TTC28: variants seen among roughly 807,000 people sequenced by gnomAD.
TTC28 encodes the protein tetratricopeptide repeat protein 28.
In TTC28, 61 loss-of-function variants were observed where a neutral mutation model predicts 198.0. The observed-to-expected ratio is 0.31, with a 90% CI of 0.25 to 0.38. The LOEUF (loss-of-function observed/expected upper bound fraction) is 0.38, where lower values mean the gene tolerates loss of function less well. TTC28 is among the 10% of genes least tolerant of loss of function. The pLI is 1.00. For synonymous variants in TTC28, 1,171 were observed against 1,297.8 expected, an observed-to-expected ratio of 0.90 and a Z score of 2.10; for missense variants, 2,678 against 3,164.0, an observed-to-expected ratio of 0.85 and a Z score of 3.69.
chr22:28,208,674 C>T (rs551394005), intron 5 of TTC28, among the ~76,000 whole-genome samples: 4 of 152,116 alleles, frequency 2.6e-5, no homozygotes, highest in Non-Finnish European at 5.9e-5. Flanking sequence ...TGAATTCAAG[C>T]TATCACAATC....
intron 2 of TTC28, among the ~76,000 whole-genome samples, chr22:28,506,518 A>T (rs1262930062): frequency 6.6e-6 from 1 of 152,122 alleles, no homozygotes; most frequent in African/African-American, 2.4e-5. Context: ...CTGGACAAGG[A>T]AAGGTCCCCC....
At chr22:27,999,306 C>A in intron 15 of TTC28, 46 bp from the exon 16 acceptor site, 1 of 1,502,726 alleles carries the variant, frequency 6.7e-7, no homozygotes. Flanking sequence ...GACAGAACAG[C>A]CAGGCTGCCC....
chr22:28,094,120 T>C lies in TTC28; in HGVS notation c.3892A>G (p.Ser1298Gly). ...TGSALEQHIA[S>G]VREALGVESH... ...TCCACCCCCAGGGCCTCCCGGACAC[T>C]GGCAATGTGCTGCTCCAGGGCTGAG... is the stretch of plus-strand genomic sequence containing the variant. The change falls in exon 12 of 23, where the codon AGT (serine) becomes GGT (glycine). Residue 1298 changes from serine (S) to glycine (G), a missense_variant. Ser to Gly is a moderately conservative substitution (Grantham distance 56, BLOSUM62 0). Around this residue, in one of 8 missense-constraint regions of TTC28, gnomAD observed 727 missense variants for 861.9 expected, o/e 0.84. Coordinates refer to ENST00000397906, the MANE Select transcript of TTC28 (RefSeq NM_001145418.2). 2 of 1,551,162 alleles carry C rather than the reference T, an allele frequency of 1.3e-6. No individual in the cohort carries two copies. Among genetic ancestry groups the C allele is most frequent in the Non-Finnish European group, 1.7e-6 (2 of 1,146,796 alleles).
chr22:28,518,027 G>A (rs973980061), intron 2 of TTC28, among the ~76,000 whole-genome samples: 1 of 151,842 alleles, frequency 6.6e-6, no homozygotes, highest in Non-Finnish European at 1.5e-5. Flanking sequence ...CCAAGTAGCT[G>A]GGATTACAGG....
At chr22:28,205,553 T>C (rs1019409218) in intron 5 of TTC28, among the ~76,000 whole-genome samples, 1 of 152,040 alleles carries the variant, frequency 6.6e-6, no homozygotes, top group Admixed American at 6.6e-5. Context: ...GAGATTAACA[T>C]AGAAAAATGT....
At chr22:28,532,118 G>A (rs1363944523) in intron 2 of TTC28, among the ~76,000 whole-genome samples, 1 of 152,052 alleles carries the variant, frequency 6.6e-6, no homozygotes, top group Non-Finnish European at 1.5e-5. Flanking sequence ...AAATGGAGGA[G>A]GTGGTTTTCT....
intron 2 of TTC28, among the ~76,000 whole-genome samples, chr22:28,572,867 G>T (rs2050084942): frequency 6.6e-6 from 1 of 152,118 alleles, no homozygotes; most frequent in Non-Finnish European, 1.5e-5. Context: ...AGTAAAGGGA[G>T]GCCAGGTGCA....
chr22:28,556,517 T>C (rs1601562146), intron 2 of TTC28, among the ~76,000 whole-genome samples: 1 of 152,254 alleles, frequency 6.6e-6, no homozygotes, highest in East Asian at 1.9e-4. Flanking sequence ...GTTGTTACTC[T>C]CTAAGTAATC....
At chr22:28,308,421 G>C (rs779527517) in intron 2 of TTC28, among the ~76,000 whole-genome samples, 2 of 151,962 alleles carry the variant, frequency 1.3e-5, no homozygotes, top group African/African-American at 4.8e-5. Context: ...AACTTATTAA[G>C]AGACACAAAA....
Position 28,672,321 on chromosome 22 carries a change from C to T in TTC28, c.102+7301G>A, listed in dbSNP as rs527589327. On this transcript the variant is annotated intron_variant, in intron 1 of 22. Coordinates refer to ENST00000397906, the MANE Select transcript of TTC28 (RefSeq NM_001145418.2). ...TAGCTGGGATTACAGGCGCCTGCCA[C>T]CATGCACAGCTACTTTTTGTATTTT... Among the ~76,000 whole-genome samples, 4 of 152,296 alleles carry T rather than the reference C, an allele frequency of 2.6e-5. No homozygotes were observed. In the South Asian group the frequency reaches 6.2e-4, roughly 24 times the overall value.
intron 1 of TTC28, among the ~76,000 whole-genome samples, chr22:28,677,779 A>T (rs1279817471): frequency 2.0e-5 from 3 of 151,870 alleles, no homozygotes; most frequent in African/African-American, 7.3e-5. Context: ...CTCTACTAAA[A>T]ATACATAAAT....
At chr22:28,270,680 A>C (rs1932009471) in intron 5 of TTC28, among the ~76,000 whole-genome samples, 1 of 152,210 alleles carries the variant, frequency 6.6e-6, no homozygotes, top group African/African-American at 2.4e-5. Context: ...AAAGATAGGC[A>C]ACCCAGTCAT....
Position 28,107,875 on chromosome 22 carries a change from T to C in TTC28, c.1970A>G (p.Tyr657Cys). ...LGNYQEAVKY[Y>C]EQDLALAKDL... Reference sequence around the variant, plus strand: ...TTTAGCCAGTGCCAGATCCTGTTCGTAGTACTTCACTGCCTCCTGATAGTT... The same window carrying C: ...TTTAGCCAGTGCCAGATCCTGTTCGCAGTACTTCACTGCCTCCTGATAGTT... Residue 657 changes from tyrosine to cysteine, a missense_variant, in exon 7 of 23, where the codon TAC (tyrosine) becomes TGC (cysteine). Tyr to Cys is a radical substitution (Grantham distance 194). Coordinates refer to ENST00000397906, the MANE Select transcript of TTC28 (RefSeq NM_001145418.2). 6.4e-7 allele frequency: 1 copy of C among 1,551,808 alleles called. No individual in the cohort carries two copies. The highest frequency in any genetic ancestry group is 8.7e-7 in the Non-Finnish European group (1 of 1,147,008).
intron 2 of TTC28, among the ~76,000 whole-genome samples, chr22:28,452,462 GTGGGTCT>G (rs1245269144): frequency 6.7e-6 from 1 of 149,116 alleles, no homozygotes; most frequent in African/African-American, 2.5e-5. Flanking sequence ...CATAGGGAAA[GTGGGTCT>G]TTTCTTAATC....
Position 28,509,780 on chromosome 22 carries a change from G to A in TTC28, c.381+119772C>T, listed in dbSNP as rs151170900. On this transcript the variant is annotated intron_variant, in intron 2 of 22. Transcript: ENST00000397906. ...TTTTTAAATAATAAAATAGATGACC[G>A]AAAGCTAGATTAATAAAAGAGAGAA... Among the ~76,000 whole-genome samples the A allele has an allele frequency of 2.2e-3, 325 of 151,104 alleles. 2 individuals carry two copies. Among genetic ancestry groups the A allele is most frequent in the African/African-American group, 7.1e-3 (295 of 41,330 alleles).
chr22:28,413,711 A>T (rs2047124431), intron 2 of TTC28, among the ~76,000 whole-genome samples: 1 of 151,640 alleles, frequency 6.6e-6, no homozygotes, highest in Non-Finnish European at 1.5e-5. Context: ...AAAGAAACAA[A>T]TCTATGTTTT....
intron 12 of TTC28, among the ~76,000 whole-genome samples, chr22:28,037,372 T>C (rs1939405933): frequency 6.6e-6 from 1 of 151,994 alleles, no homozygotes; most frequent in Admixed American, 6.6e-5. Context: ...CATACGAAAA[T>C]CAATAAACGT....
chr22:28,606,704 C>A (rs1485514885), intron 2 of TTC28, among the ~76,000 whole-genome samples: 2 of 151,932 alleles, frequency 1.3e-5, no homozygotes, highest in Non-Finnish European at 2.9e-5. Flanking sequence ...CCAAAAAGAC[C>A]TGAGCATAGA....
intron 6 of TTC28, among the ~76,000 whole-genome samples, chr22:28,159,178 C>T (rs1036182488): frequency 6.6e-6 from 1 of 152,102 alleles, no homozygotes; most frequent in Non-Finnish European, 1.5e-5. Context: ...CACAGAAATG[C>T]AAACCAAAAC....
Sources: allele counts gnomAD v4.1 joint callset (sites outside exome capture counted in the v4.1 genomes callset), GRCh38; gene constraint gnomAD v4.1.1; regional missense constraint gnomAD v4.1.1; transcripts MANE v1.5; gene names NCBI Gene and HGNC (gene_info 2026-07-23, HGNC 2026-07-21).